The following AMBRA1 variants were observed in gnomAD, a reference collection of about 807,000 sequenced individuals.
AMBRA1 encodes the protein activating molecule in BECN1-regulated autophagy protein 1.
Under a neutral mutation model 125.4 loss-of-function variants are expected in AMBRA1, and 47 were observed. That is an observed-to-expected ratio of 0.37 (90% CI 0.30 to 0.48). The LOEUF (loss-of-function observed/expected upper bound fraction) is 0.48, where lower values mean the gene tolerates loss of function less well. Among genes scored for constraint, AMBRA1 ranks in the 20% least tolerant of loss-of-function variants. The probability of loss-of-function intolerance (pLI) is 0.99; values close to 1 mark genes in which losing one functional copy is unlikely to be tolerated. For missense variants in AMBRA1, 1,331 were observed against 1,693.4 expected, an observed-to-expected ratio of 0.79 and a Z score of 3.76; for synonymous variants, 626 against 655.5, an observed-to-expected ratio of 0.95 and a Z score of 0.69.
In AMBRA1 at chr11:46,542,102, TA is replaced by T. The variant is rs1952774360; in HGVS notation, c.1914del (p.Ser639ValfsTer93). 6.2e-7 allele frequency: 1 copy of T among 1,613,800 alleles called. No individual in the cohort carries two copies. The highest frequency in any genetic ancestry group is 8.5e-7 in the Non-Finnish European group (1 of 1,179,936). On this transcript the variant is annotated frameshift_variant, in exon 7 of 18. Transcript: ENST00000683756. LOFTEE classifies it high-confidence loss of function. The surrounding 1 kb of genome is among the most constrained non-coding windows in gnomAD (Gnocchi z 5.9). Reference sequence around the variant, plus strand: ...CCCACAGTCCTCTCCTCCTGCGGACTAGCAGAGCTGCTCAACTCCAGCCTGC... The same window carrying T: ...CCCACAGTCCTCTCCTCCTGCGGACTGCAGAGCTGCTCAACTCCAGCCTGC... ...SSSRLELSSS[A>X]SPQEERTVGV...
chr11:46,524,571 T>C (rs1951888687), intron 7 of AMBRA1, among the ~76,000 whole-genome samples: 1 of 152,238 alleles, frequency 6.6e-6, no homozygotes, highest in Non-Finnish European at 1.5e-5. Flanking sequence ...CCACTGGCTG[T>C]GAGACCTTGG....
intron 11 of AMBRA1, among the ~76,000 whole-genome samples, chr11:46,450,975 G>A (rs1468083504): frequency 2.6e-5 from 4 of 152,136 alleles, no homozygotes; most frequent in Non-Finnish European, 4.4e-5. Context: ...GGGAGTATAT[G>A]GGAACTGTCT....
At chr11:46,457,626 C>A (rs1041220878) in intron 11 of AMBRA1, among the ~76,000 whole-genome samples, 1 of 152,104 alleles carries the variant, frequency 6.6e-6, no homozygotes, top group Non-Finnish European at 1.5e-5. Flanking sequence ...CTGGGCCAGG[C>A]GCAGTGGCTC....
intron 17 of AMBRA1, among the ~76,000 whole-genome samples, chr11:46,401,127 A>G (rs141780703): frequency 3.8e-4 from 58 of 152,218 alleles, no homozygotes; most frequent in African/African-American, 1.0e-3. Context: ...TGTAGCCCCA[A>G]TGCTTTCTCA....
chr11:46,401,831 G>C (rs1945778806), intron 17 of AMBRA1, among the ~76,000 whole-genome samples: 1 of 152,164 alleles, frequency 6.6e-6, no homozygotes, highest in Admixed American at 6.5e-5. Flanking sequence ...GCTGACTTGA[G>C]CTCTGGTTAA....
At chr11:46,527,128 T>C (rs946535779) in intron 7 of AMBRA1, among the ~76,000 whole-genome samples, 46 of 152,278 alleles carry the variant, frequency 3.0e-4, no homozygotes, top group African/African-American at 1.1e-3. Flanking sequence ...TCCCTTTCAA[T>C]GTAGAAAATG....
chr11:46,578,355 T>C (rs747892155), intron 1 of AMBRA1, among the ~76,000 whole-genome samples: 36 of 151,244 alleles, frequency 2.4e-4, no homozygotes, highest in South Asian at 4.2e-4. Context: ...GGCGTGGTCA[T>C]GTGCGCTTGT....
intron 14 of AMBRA1, among the ~76,000 whole-genome samples, chr11:46,429,947 A>G (rs921015705): frequency 7.9e-5 from 12 of 152,076 alleles, no homozygotes; most frequent in Non-Finnish European, 1.2e-4. Flanking sequence ...TGAGTCATAG[A>G]GAGTAGCATA....
At chr11:46,529,456 G>A (rs376701333) in intron 7 of AMBRA1, among the ~76,000 whole-genome samples, 32 of 152,298 alleles carry the variant, frequency 2.1e-4, no homozygotes, top group East Asian at 9.6e-4. Flanking sequence ...GTGGTGGTGC[G>A]GGTACTGCAA....
At chr11:46,494,226 C>T in intron 9 of AMBRA1, 22 bp from the exon 10 acceptor site, 1 of 1,566,296 alleles carries the variant, frequency 6.4e-7, no homozygotes, top group Non-Finnish European at 8.7e-7. Flanking sequence ...AAAAACACTA[C>T]ACATAAGAGA....
chr11:46,477,328 T>C (rs1017253102), intron 11 of AMBRA1, among the ~76,000 whole-genome samples: 1 of 151,644 alleles, frequency 6.6e-6, no homozygotes. Context: ...CTTCTTTTTT[T>C]TTTTTTTGAG....
intron 14 of AMBRA1, among the ~76,000 whole-genome samples, chr11:46,428,424 TTCC>T (rs1432150591): frequency 3.9e-5 from 6 of 152,110 alleles, no homozygotes; most frequent in Admixed American, 3.9e-4. Context: ...ATCCCAGAGC[TTCC>T]TCCTCAACCC....
Position 46,553,610 on chromosome 11 carries a change from T to C in AMBRA1, c.-120-5110A>G, listed in dbSNP as rs796804696. ...AAATACAAAAATTAGCCAGGCGTGG[T>C]AGCTCATGCCTGTAGTCCCAGCTAC... On this transcript the variant is annotated intron_variant, in intron 1 of 17. Coordinates refer to ENST00000683756, the MANE Select transcript of AMBRA1 (RefSeq NM_001387011.1). Among the ~76,000 whole-genome samples the C allele has an allele frequency of 2.6e-5, 4 of 152,186 alleles. No individual in the cohort carries two copies. In the South Asian group the frequency reaches 8.3e-4, roughly 32 times the overall value.
At chr11:46,545,503 T>G (rs1952975494) in intron 5 of AMBRA1, 101 bp downstream of exon 5, 1 of 1,405,344 alleles carries the variant, frequency 7.1e-7, no homozygotes, top group Non-Finnish European at 9.7e-7. Context: ...CAACTTGCCC[T>G]GAGCAGGGAT....
intron 1 of AMBRA1, among the ~76,000 whole-genome samples, chr11:46,593,610 G>A (rs766035809): frequency 7.9e-5 from 12 of 152,208 alleles, no homozygotes; most frequent in Non-Finnish European, 1.6e-4. Flanking sequence ...CCTCCCTAAA[G>A]AACCACACCG....
At chr11:46,572,007 A>C (rs1309088617) in intron 1 of AMBRA1, among the ~76,000 whole-genome samples, 4 of 152,090 alleles carry the variant, frequency 2.6e-5, no homozygotes, top group Non-Finnish European at 4.4e-5. Context: ...AATATCTTAA[A>C]AAGTTAGATT....
Position 46,519,366 on chromosome 11 carries a change from AAGTCTGGGTACT to A in AMBRA1, c.2073-6565_2073-6554del, listed in dbSNP as rs377239407. On this transcript the variant is annotated intron_variant, in intron 7 of 17. Coordinates refer to ENST00000683756, the MANE Select transcript of AMBRA1 (RefSeq NM_001387011.1). ...ATAGATATCAGAGTTGAGGTGCAGA[AAGTCTGGGTACT>A]AGTCCATATGGAATAAACAAACCGT... is the stretch of plus-strand genomic sequence containing the variant. 7.3e-3 allele frequency among the ~76,000 whole-genome samples: 1,105 copies of A among 152,272 alleles called. 22 individuals carry two copies. Among genetic ancestry groups the A allele is most frequent in the African/African-American group, 0.026 (1,072 of 41,554 alleles).
rs545744671 is a variant in AMBRA1 at position 46,530,906 on chromosome 11, C to T, written c.2072+11039G>A. Among the ~76,000 whole-genome samples, 31 of 152,278 alleles carry T rather than the reference C, an allele frequency of 2.0e-4. 1 individual carries two copies. Among genetic ancestry groups the T allele is most frequent in the East Asian group, 3.9e-4 (2 of 5,186 alleles). On this transcript the variant is annotated intron_variant, in intron 7 of 17. Coordinates refer to ENST00000683756, the MANE Select transcript of AMBRA1 (RefSeq NM_001387011.1). ...CATTGATTCATTCATTTATTTGAGACGAATTCTCGCTCTGTAGCCCAGGCT... is the reference window on the plus strand; with the variant it reads ...CATTGATTCATTCATTTATTTGAGATGAATTCTCGCTCTGTAGCCCAGGCT...
intron 7 of AMBRA1, among the ~76,000 whole-genome samples, chr11:46,533,214 T>G (rs1952299567): frequency 6.6e-6 from 1 of 152,038 alleles, no homozygotes; most frequent in South Asian, 2.1e-4. Context: ...AAATGTGTTT[T>G]GATTAGCATA....
Sources: gnomAD v4.1 joint callset for allele counts (sites outside exome capture counted in the v4.1 genomes callset) on GRCh38, gnomAD v4.1.1 for gene constraint, Gnocchi (gnomAD v3.1) non-coding constraint, MANE v1.5 for transcripts, NCBI Gene and HGNC (gene_info 2026-07-23, HGNC 2026-07-21) for gene names.